The following DDX10 variants were observed in gnomAD, a reference collection of about 807,000 sequenced individuals.
DDX10 encodes DEAD-box helicase 10.
A neutral mutation model predicts 104.3 loss-of-function variants in DDX10; 74 were observed. The observed-to-expected ratio is 0.71, with a 90% confidence interval of 0.59 to 0.86. DDX10 has a LOEUF of 0.86. Among genes scored for constraint, DDX10 ranks in the 40% least tolerant of loss-of-function variants. DDX10 has a pLI of 0.00. For synonymous variants in DDX10, 351 were observed against 353.4 expected (o/e 0.99, Z 0.08); for missense variants, 952 against 1,040.0 (o/e 0.92, Z 1.16).
intron 13 of DDX10, among the ~76,000 whole-genome samples, chr11:108,752,935 A>G (rs1043571406): frequency 6.6e-5 from 10 of 152,048 alleles, no homozygotes; most frequent in African/African-American, 2.4e-4. Context: ...TTTGAGCTTC[A>G]TTTTTCTCCT....
At chr11:108,802,794 A>G (rs1591822230) in intron 13 of DDX10, among the ~76,000 whole-genome samples, 1 of 152,174 alleles carries the variant, frequency 6.6e-6, no homozygotes, top group East Asian at 1.9e-4. Flanking sequence ...AGAATGTCCT[A>G]ATGCATGATA....
intron 13 of DDX10, among the ~76,000 whole-genome samples, chr11:108,760,351 T>TC (rs1472432422): frequency 6.6e-6 from 1 of 152,058 alleles, no homozygotes; most frequent in Non-Finnish European, 1.5e-5. Context: ...ACCTGAGGAC[T>TC]AAGGAGAAGG....
At chr11:108,851,055 G>T (rs147722484) in intron 15 of DDX10, among the ~76,000 whole-genome samples, 5 of 152,242 alleles carry the variant, frequency 3.3e-5, no homozygotes, top group Admixed American at 2.6e-4. Context: ...AATGGACAAA[G>T]AAATTTTTAT....
chr11:108,693,409 C>G (rs540999302), intron 8 of DDX10, 107 bp from the exon 9 acceptor site: 1 of 796,764 alleles, frequency 1.3e-6, no homozygotes, highest in Non-Finnish European at 2.3e-6. Context: ...TGATATCCAT[C>G]AGTTTGATGT....
At chr11:108,852,947 C>T (rs1008058513) in intron 16 of DDX10, among the ~76,000 whole-genome samples, 2 of 152,136 alleles carry the variant, frequency 1.3e-5, no homozygotes, top group Admixed American at 6.5e-5. Flanking sequence ...TAGCAAAGCT[C>T]CAACTCCCTT....
At chr11:108,710,669 G>A (rs773587023) in intron 10 of DDX10, among the ~76,000 whole-genome samples, 1 of 152,138 alleles carries the variant, frequency 6.6e-6, no homozygotes, top group African/African-American at 2.4e-5. Flanking sequence ...AAAATAAAAA[G>A]TATGGTGAAT....
intron 13 of DDX10, among the ~76,000 whole-genome samples, chr11:108,837,210 C>G (rs1365318010): frequency 6.6e-6 from 1 of 152,124 alleles, no homozygotes; most frequent in Non-Finnish European, 1.5e-5. Context: ...ACAACTAAAC[C>G]CAGAGGTTAG....
At chr11:108,769,935 CAAAAT>C (rs895108783) in intron 13 of DDX10, among the ~76,000 whole-genome samples, 5 of 152,042 alleles carry the variant, frequency 3.3e-5, no homozygotes, top group Non-Finnish European at 5.9e-5. Context: ...ATAACTGTCT[CAAAAT>C]AAAAAAAATT....
chr11:108,826,433 A>T lies in DDX10; in HGVS notation c.1966-12013A>T, dbSNP rs527699517. On this transcript the variant is annotated intron_variant, in intron 13 of 17. Transcript: ENST00000322536. ...GGCCGGATATCACAGGCATAAGGGC[A>T]CACCATGACCATGAGACATCCTTTC... Among the ~76,000 whole-genome samples, 11 of 152,292 alleles carry T rather than the reference A, an allele frequency of 7.2e-5. No homozygotes were observed. In the South Asian group the frequency reaches 2.3e-3, roughly 32 times the overall value.
chr11:108,835,848 G>T (rs1488874128), intron 13 of DDX10, among the ~76,000 whole-genome samples: 4 of 151,996 alleles, frequency 2.6e-5, no homozygotes, highest in Admixed American at 6.6e-5. Flanking sequence ...GGGGTGGGGG[G>T]ATTGTAGGGA....
intron 6 of DDX10, among the ~76,000 whole-genome samples, chr11:108,688,709 C>G (rs1420817624): frequency 1.3e-5 from 2 of 152,126 alleles, no homozygotes; most frequent in African/African-American, 4.8e-5. Context: ...CTGTTCTTGT[C>G]ATGCTTTGTT....
At chr11:108,666,021 G>T (rs185473625) in intron 1 of DDX10, among the ~76,000 whole-genome samples, 1 of 152,156 alleles carries the variant, frequency 6.6e-6, no homozygotes, top group Non-Finnish European at 1.5e-5. Context: ...GAGTATACCT[G>T]TAATGATCAC....
At position 108,670,150 on chromosome 11, in the gene DDX10, A is replaced by G. The variant is rs562892803; in HGVS notation, c.187-3317A>G. On this transcript the variant is annotated intron_variant, in intron 1 of 17. Coordinates refer to ENST00000322536, the MANE Select transcript of DDX10 (RefSeq NM_004398.4). ...TGGCGGGACTCTGTATAGAGAGAAT[A>G]TATCTGAGCTGTAAAGGTTGGAGGG... Among the ~76,000 whole-genome samples the G allele has an allele frequency of 4.6e-5, 7 of 152,336 alleles. No homozygotes were observed. The South Asian group carries it at 1.4e-3, about 32-fold the overall frequency.
At chr11:108,735,524 C>G (rs910348441) in intron 13 of DDX10, among the ~76,000 whole-genome samples, 4 of 152,034 alleles carry the variant, frequency 2.6e-5, no homozygotes, top group Admixed American at 2.0e-4. Context: ...AGGCACTCTT[C>G]TGTTGTTGCT....
chr11:108,737,508 A>G (rs1784024134), intron 13 of DDX10, among the ~76,000 whole-genome samples: 1 of 152,198 alleles, frequency 6.6e-6, no homozygotes, highest in South Asian at 2.1e-4. Context: ...AATAAGGCCG[A>G]CATGGTAGTG....
chr11:108,929,568 G>C (rs2134674261), intron 17 of DDX10: 1 of 152,258 alleles, frequency 6.6e-6, no homozygotes. Flanking sequence ...TTCATAGAAG[G>C]TGATGAGTAT....
chr11:108,691,790 G>C, intron 7 of DDX10, 86 bp from the exon 8 acceptor site: 1 of 1,229,974 alleles, frequency 8.1e-7, no homozygotes, highest in Non-Finnish European at 1.1e-6. Flanking sequence ...CTCTGCTGTT[G>C]AGACTCTGTG....
At position 108,940,259 on chromosome 11, in the gene DDX10, A is replaced by G. The variant is rs762349525; in HGVS notation, c.2464A>G (p.Lys822Glu). The G allele has an allele frequency of 2.5e-6, 4 of 1,613,974 alleles. No individual in the cohort carries two copies. The Admixed American group carries it at 5.0e-5, about 20-fold the overall frequency. ...TCTTCTCACCAGTGATACCAAGAAG[A>G]AGCAGGGGATGAAGAAGAGGAGCAA... ...MENKISDTKKKQGMKKRSNSE... is the reference protein window; with the variant it reads ...MENKISDTKKEQGMKKRSNSE... The change falls in exon 18 of 18, where the codon AAG (lysine) becomes GAG (glutamate). Residue 822 changes from lysine (K) to glutamate (E), a missense_variant. Lys to Glu is a moderately conservative substitution (Grantham distance 56, BLOSUM62 1). Around this residue, in one of 3 missense-constraint regions of DDX10, gnomAD observed 533 missense variants for 534.1 expected, o/e 1.00. Transcript: ENST00000322536.
intron 16 of DDX10, among the ~76,000 whole-genome samples, chr11:108,900,944 CCCT>C (rs1358949963): frequency 6.6e-6 from 1 of 152,108 alleles, no homozygotes; most frequent in Non-Finnish European, 1.5e-5. Context: ...CACCTAATTG[CCCT>C]CCTCATCACC....
Sources: allele counts gnomAD v4.1 joint callset (sites outside exome capture counted in the v4.1 genomes callset), GRCh38; gene constraint gnomAD v4.1.1; regional missense constraint gnomAD v4.1.1; transcripts MANE v1.5; gene names NCBI Gene and HGNC (gene_info 2026-07-23, HGNC 2026-07-21).